SLC28A1: variants seen among roughly 807,000 people sequenced by gnomAD.
SLC28A1 encodes the protein sodium/nucleoside cotransporter 1.
Under a neutral mutation model 74.8 loss-of-function variants are expected in SLC28A1, and 64 were observed. That is an observed-to-expected ratio of 0.86 (90% CI 0.70 to 1.05). SLC28A1 has a LOEUF of 1.05. Ranked by LOEUF, SLC28A1 falls within the 50% of genes least tolerant of loss-of-function variation. The probability of loss-of-function intolerance (pLI) is 0.00; values close to 1 mark genes in which losing one functional copy is unlikely to be tolerated. For synonymous variants in SLC28A1, 359 were observed against 335.0 expected, an observed-to-expected ratio of 1.07 and a Z score of -0.78; for missense variants, 828 against 822.8, an observed-to-expected ratio of 1.01 and a Z score of -0.08.
At chr15:84,906,666 T>A (rs1213968350) in intron 8 of SLC28A1, among the ~76,000 whole-genome samples, 1 of 149,526 alleles carries the variant, frequency 6.7e-6, no homozygotes, top group African/African-American at 2.5e-5. Context: ...TTTTTTTTTT[T>A]AGGTACAGGG....
chr15:84,925,239 G>A (rs1045768028), intron 12 of SLC28A1, among the ~76,000 whole-genome samples: 4 of 151,838 alleles, frequency 2.6e-5, no homozygotes, highest in Admixed American at 6.6e-5. Flanking sequence ...TTTTAATAGC[G>A]TAGAACAGCT....
intron 6 of SLC28A1, 49 bp downstream of exon 6, chr15:84,895,172 T>TGA (rs759726978): frequency 3.7e-6 from 6 of 1,605,706 alleles, no homozygotes; most frequent in Non-Finnish European, 5.1e-6. Context: ...GCCCATGAGC[T>TGA]GAGGGGTTGG....
At chr15:84,966,076 T>G in the SLC28A1 span, among the ~76,000 whole-genome samples, 1 of 152,136 alleles carries the variant, frequency 6.6e-6, no homozygotes, top group Admixed American at 6.5e-5. Flanking sequence ...AAATGTAATT[T>G]TATTCATTTA....
the SLC28A1 span, among the ~76,000 whole-genome samples, chr15:84,955,396 A>C: frequency 6.6e-6 from 1 of 152,218 alleles, no homozygotes; most frequent in Non-Finnish European, 1.5e-5. Context: ...ACCGTGAAGC[A>C]TCTGGAATAC....
At chr15:84,944,908 G>A in intron 18 of SLC28A1, 41 bp downstream of exon 18, 2 of 1,407,260 alleles carry the variant, frequency 1.4e-6, no homozygotes, top group Middle Eastern at 1.8e-4. Context: ...CACCCACAGT[G>A]ATAGACAGAA....
chr15:84,931,405 G>A (rs1971256262), intron 12 of SLC28A1, among the ~76,000 whole-genome samples: 1 of 151,682 alleles, frequency 6.6e-6, no homozygotes, highest in Non-Finnish European at 1.5e-5. Flanking sequence ...CCAGCACTTT[G>A]GGAGGCCAAG....
chr15:84,905,989 A>G (rs1398958566), intron 8 of SLC28A1, among the ~76,000 whole-genome samples: 1 of 150,728 alleles, frequency 6.6e-6, no homozygotes, highest in Non-Finnish European at 1.5e-5. Context: ...GTTTAAAAAT[A>G]ACGTTTATTG....
At chr15:84,919,765 C>T (rs1011450139) in intron 10 of SLC28A1, among the ~76,000 whole-genome samples, 2 of 152,160 alleles carry the variant, frequency 1.3e-5, no homozygotes, top group Non-Finnish European at 2.9e-5. Context: ...CTCTCAACAT[C>T]GTTACAATGG....
chr15:84,885,894 T>C (rs1014438211), intron 1 of SLC28A1, among the ~76,000 whole-genome samples: 5 of 152,170 alleles, frequency 3.3e-5, no homozygotes, highest in African/African-American at 1.2e-4. Flanking sequence ...AAATGACAGA[T>C]GAAGAAAAAA....
the SLC28A1 span, among the ~76,000 whole-genome samples, chr15:84,956,446 T>TTCCTTCCTTCCTTCCTTC: frequency 1.9e-3 from 164 of 84,502 alleles, no homozygotes; most frequent in African/African-American, 6.3e-3. Flanking sequence ...TTCCTTCCTT[T>TTCCTTCCTTCCTTCCTTC]CTTTCTTTCT....
At chr15:84,912,806 G>GCGCGCGCACA (rs764101004) in intron 9 of SLC28A1, among the ~76,000 whole-genome samples, 4 of 112,290 alleles carry the variant, frequency 3.6e-5, no homozygotes, top group South Asian at 2.5e-4. Flanking sequence ...TTGCGCGCGC[G>GCGCGCGCACA]CACACACACA....
At chr15:84,936,260 T>TTCGG (rs1316490552) in intron 15 of SLC28A1, among the ~76,000 whole-genome samples, 12 of 149,296 alleles carry the variant, frequency 8.0e-5, no homozygotes, top group Non-Finnish European at 1.5e-4. Flanking sequence ...TTTGGTTTGG[T>TTCGG]TTGGTTTGGT....
the SLC28A1 span, among the ~76,000 whole-genome samples, chr15:84,956,666 CTTTTTTT>C: frequency 7.4e-6 from 1 of 134,328 alleles, no homozygotes; most frequent in Admixed American, 7.7e-5. Context: ...CTAATTTTTA[CTTTTTTT>C]TTTTTTTTTT....
chr15:84,950,124 G>A (rs918593708), downstream of SLC28A1, among the ~76,000 whole-genome samples: 1 of 152,162 alleles, frequency 6.6e-6, no homozygotes, highest in African/African-American at 2.4e-5. Flanking sequence ...AGCCATTTAG[G>A]AAAGAGACTC....
Position 84,904,084 on chromosome 15 carries a change from C to G in SLC28A1, c.462-13C>G, listed in dbSNP as rs1241609023. On this transcript the variant is annotated splice_polypyrimidine_tract_variant and intron_variant, in intron 6 of 18. Coordinates refer to ENST00000394573, the MANE Select transcript of SLC28A1 (RefSeq NM_004213.5). ...AATGCTGAGGGTAATGGCTTTCTGTCTCTTGCCTGCAGGGGTCTAGCTCTT... is the reference window on the plus strand; with the variant it reads ...AATGCTGAGGGTAATGGCTTTCTGTGTCTTGCCTGCAGGGGTCTAGCTCTT... The G allele has an allele frequency of 6.2e-7, 1 of 1,614,044 alleles. No individual in the cohort carries two copies. Among genetic ancestry groups the G allele is most frequent in the African/African-American group, 1.3e-5 (1 of 74,892 alleles).
Position 84,887,836 on chromosome 15 carries a change from G to A in SLC28A1, c.76G>A (p.Ala26Thr). 6.2e-7 allele frequency: 1 copy of A among 1,613,612 alleles called. No individual in the cohort carries two copies. The highest frequency in any genetic ancestry group is 8.5e-7 in the Non-Finnish European group (1 of 1,179,532). ...PVAKGLENMG[A>T]DFLESLEEGQ... ...GGCCAAGGGTCTGGAGAACATGGGG[G>A]CTGATTTCTTGGAAAGCCTGGTCTG... The change falls in exon 3 of 19, where the codon GCT becomes ACT. Residue 26 changes from alanine (A) to threonine (T), a missense_variant. This residue lies in a region of SLC28A1 where 767 missense variants were observed against 753.5 expected (regional missense o/e 1.02). Transcript: ENST00000394573.
the SLC28A1 span, among the ~76,000 whole-genome samples, chr15:84,963,764 T>G: frequency 2.0e-5 from 3 of 152,180 alleles, no homozygotes; most frequent in African/African-American, 7.2e-5. Flanking sequence ...GTTGGTGCTT[T>G]CAGGCAAAGT....
At chr15:84,918,113 G>A (rs1240096984) in intron 9 of SLC28A1, among the ~76,000 whole-genome samples, 4 of 152,104 alleles carry the variant, frequency 2.6e-5, no homozygotes, top group African/African-American at 7.2e-5. Context: ...CAGAGTCTGA[G>A]GCCAAGGATT....
chr15:84,935,847 C>G, intron 15 of SLC28A1, among the ~76,000 whole-genome samples: 1 of 151,944 alleles, frequency 6.6e-6, no homozygotes, highest in Non-Finnish European at 1.5e-5. Flanking sequence ...GAGATGACTG[C>G]CACATCTACT....
Sources: gnomAD v4.1 joint callset for allele counts (sites outside exome capture counted in the v4.1 genomes callset) on GRCh38, gnomAD v4.1.1 for gene constraint, gnomAD v4.1.1 regional missense constraint, MANE v1.5 for transcripts, NCBI Gene and HGNC (gene_info 2026-07-23, HGNC 2026-07-21) for gene names.